Variants in ADD2 observed in about 807,000 individuals in gnomAD.
The protein encoded by ADD2 is beta-adducin.
In ADD2, 23 loss-of-function variants were observed where a neutral mutation model predicts 83.0. That is an observed-to-expected ratio of 0.28 (90% CI 0.20 to 0.39). The LOEUF is 0.39. Ranked by LOEUF, ADD2 falls within the 10% of genes least tolerant of loss-of-function variation. The pLI is 1.00. For synonymous variants in ADD2, 375 were observed against 375.4 expected (o/e 1.00, Z 0.01); for missense variants, 758 against 944.9 (o/e 0.80, Z 2.59).
chr2:70,744,696 T>C (rs1167626818), intron 1 of ADD2, among the ~76,000 whole-genome samples: 2 of 152,168 alleles, frequency 1.3e-5, no homozygotes, highest in African/African-American at 4.8e-5. Flanking sequence ...TTAATGGGCT[T>C]TAAATGGAGG....
intron 4 of ADD2, 58 bp downstream of exon 4, chr2:70,704,263 T>TTCCCCC: frequency 1.1e-6 from 1 of 913,238 alleles, no homozygotes; most frequent in Non-Finnish European, 1.7e-6. Flanking sequence ...CTCCCTCTCT[T>TTCCCCC]CCCCACCCCA....
intron 9 of ADD2, among the ~76,000 whole-genome samples, chr2:70,685,821 C>T (rs1458675550): frequency 1.3e-5 from 2 of 152,218 alleles, no homozygotes; most frequent in Non-Finnish European, 2.9e-5. Context: ...CCTCCCACCT[C>T]CCTCTTCCTC....
chr2:70,697,276 G>A (rs1042433894), intron 4 of ADD2, among the ~76,000 whole-genome samples: 8 of 152,242 alleles, frequency 5.3e-5, no homozygotes, highest in Non-Finnish European at 1.5e-5. Context: ...CTCAGGCAGG[G>A]TACCTAGGCT....
chr2:70,710,882 C>T (rs950867504), intron 2 of ADD2, among the ~76,000 whole-genome samples: 3 of 152,294 alleles, frequency 2.0e-5, no homozygotes, highest in African/African-American at 7.2e-5. Context: ...TAACTATTTA[C>T]TCTTATCATG....
At chr2:70,665,040 C>T (rs1675722171) in intron 15 of ADD2, among the ~76,000 whole-genome samples, 1 of 152,032 alleles carries the variant, frequency 6.6e-6, no homozygotes, top group Non-Finnish European at 1.5e-5. Flanking sequence ...CATATGAATG[C>T]AGTGTGTGTG....
intron 1 of ADD2, among the ~76,000 whole-genome samples, chr2:70,729,718 C>T (rs1673184513): frequency 6.6e-6 from 1 of 152,194 alleles, no homozygotes; most frequent in African/African-American, 2.4e-5. Context: ...TAAGGAAAAA[C>T]CACAGTTGCA....
At chr2:70,743,048 T>A (rs139798950) in intron 1 of ADD2, among the ~76,000 whole-genome samples, 12 of 152,308 alleles carry the variant, frequency 7.9e-5, no homozygotes, top group African/African-American at 2.9e-4. Context: ...CATAGCACAG[T>A]CCACTCAAGA....
intron 14 of ADD2, 27 bp downstream of exon 14, chr2:70,674,651 G>A: frequency 6.3e-7 from 1 of 1,597,690 alleles, no homozygotes; most frequent in East Asian, 2.2e-5. Flanking sequence ...GGACTTGGAA[G>A]CAAGGGTGTG....
intron 1 of ADD2, among the ~76,000 whole-genome samples, chr2:70,735,639 A>G (rs1553379955): frequency 6.6e-6 from 1 of 150,416 alleles, no homozygotes; most frequent in African/African-American, 2.5e-5. Flanking sequence ...ACCTCATTCC[A>G]CATATTCTTC....
chr2:70,692,104 C>T (rs1348262621), intron 7 of ADD2, among the ~76,000 whole-genome samples: 4 of 152,184 alleles, frequency 2.6e-5, no homozygotes, highest in Non-Finnish European at 4.4e-5. Flanking sequence ...AGCCTGGCTT[C>T]GTGGGGGCAG....
chr2:70,751,052 T>A (rs1221527495), intron 1 of ADD2, among the ~76,000 whole-genome samples: 1 of 152,210 alleles, frequency 6.6e-6, no homozygotes, highest in Non-Finnish European at 1.5e-5. Flanking sequence ...TGAATATAAA[T>A]GCCCTAAAGA....
At chr2:70,765,545 G>A (rs1319828723) in intron 1 of ADD2, among the ~76,000 whole-genome samples, 1 of 152,146 alleles carries the variant, frequency 6.6e-6, no homozygotes, top group Non-Finnish European at 1.5e-5. Flanking sequence ...CACAGACCAC[G>A]TCTATCTGCT....
At chr2:70,673,059 G>A in intron 14 of ADD2, 53 bp from the exon 15 acceptor site, 1 of 1,586,464 alleles carries the variant, frequency 6.3e-7, no homozygotes, top group South Asian at 1.1e-5. Flanking sequence ...GAAGAGATGG[G>A]CAGGGAAATA....
intron 15 of ADD2, among the ~76,000 whole-genome samples, chr2:70,672,158 A>G (rs1669921446): frequency 6.6e-6 from 1 of 152,248 alleles, no homozygotes; most frequent in African/African-American, 2.4e-5. Context: ...CTGACAGTCA[A>G]CAAAACTGAG....
At chr2:70,732,043 G>C (rs1040722137) in intron 1 of ADD2, among the ~76,000 whole-genome samples, 8 of 152,272 alleles carry the variant, frequency 5.3e-5, no homozygotes, top group African/African-American at 1.9e-4. Flanking sequence ...GATGCCCCAA[G>C]GTAATGTTTA....
At chr2:70,729,823 C>T (rs782557360) in intron 1 of ADD2, among the ~76,000 whole-genome samples, 1 of 152,144 alleles carries the variant, frequency 6.6e-6, no homozygotes, top group Non-Finnish European at 1.5e-5. Flanking sequence ...CTAGAGTAGA[C>T]CAGACTGTGA....
chr2:70,704,484 T>TC (rs762829602), intron 3 of ADD2, 25 bp from the exon 4 acceptor site: 447 of 1,612,400 alleles, frequency 2.8e-4, no homozygotes, highest in Non-Finnish European at 3.5e-4. Context: ...GAGGTGCTTG[T>TC]CCCCCCACAG....
At chr2:70,692,948 A>T (rs1371617755) in intron 6 of ADD2, among the ~76,000 whole-genome samples, 1 of 152,126 alleles carries the variant, frequency 6.6e-6, no homozygotes, top group East Asian at 1.9e-4. Flanking sequence ...CATGCACAGA[A>T]TTCTCTAGAC....
rs1428684233 is a variant in ADD2, at chr2:70,662,482, T to C, written c.*943A>G. On this transcript the variant is annotated 3_prime_UTR_variant, in exon 16 of 16. Transcript: ENST00000264436. ...GGAAGGTCAGGGGAAACCTGACCAC[T>C]GGACAGGAGTGAGGCAGGTACAGTG... 3 of 152,198 alleles carry C rather than the reference T, an allele frequency of 2.0e-5. No individual in the cohort carries two copies. The highest frequency in any genetic ancestry group is 1.3e-4 in the Admixed American group (2 of 15,280). 9.4% of individuals were successfully genotyped at this position (152,198 alleles called of 1,614,324 possible).
Sources: gnomAD v4.1 joint callset for allele counts (sites outside exome capture counted in the v4.1 genomes callset) on GRCh38, gnomAD v4.1.1 for gene constraint, MANE v1.5 for transcripts, NCBI Gene and HGNC (gene_info 2026-07-23, HGNC 2026-07-21) for gene names.